Variants in NELL1 observed in about 807,000 individuals in gnomAD.
NELL1 encodes the protein neural EGFL like 1.
In NELL1, 76 loss-of-function variants were observed where a neutral mutation model predicts 107.4. The observed-to-expected ratio is 0.71, with a 90% confidence interval of 0.59 to 0.86. The LOEUF (loss-of-function observed/expected upper bound fraction) is 0.86. Ranked by LOEUF, NELL1 falls within the 40% of genes least tolerant of loss-of-function variation. NELL1 has a pLI of 0.00. For missense variants in NELL1, 1,024 were observed against 1,005.5 expected, an observed-to-expected ratio of 1.02 and a Z score of -0.25; for synonymous variants, 353 against 341.2, an observed-to-expected ratio of 1.03 and a Z score of -0.38.
chr11:21,060,600 G>A (rs1032207439), intron 12 of NELL1, among the ~76,000 whole-genome samples: 16 of 152,192 alleles, frequency 1.1e-4, no homozygotes, highest in Non-Finnish European at 1.8e-4. Context: ...GTTGGGAGAA[G>A]TAGAGTACAA....
chr11:21,269,376 T>A (rs2924595), intron 14 of NELL1, among the ~76,000 whole-genome samples: 57,466 of 144,886 alleles, frequency 0.4, 11,553 homozygotes, highest in Non-Finnish European at 0.45. Flanking sequence ...TCTCTCTCTC[T>A]CACACACACA....
At chr11:20,915,015 C>T (rs771592090) in intron 5 of NELL1, among the ~76,000 whole-genome samples, 22 of 152,090 alleles carry the variant, frequency 1.4e-4, no homozygotes, top group Middle Eastern at 3.4e-3. Flanking sequence ...TTGTATAATT[C>T]ATAGTTTTCA....
chr11:20,930,019 A>G (rs1266737759), intron 9 of NELL1, among the ~76,000 whole-genome samples: 1 of 152,136 alleles, frequency 6.6e-6, no homozygotes, highest in Non-Finnish European at 1.5e-5. Flanking sequence ...GTATTAAAAA[A>G]TGTGAGATGT....
intron 2 of NELL1, among the ~76,000 whole-genome samples, chr11:20,740,432 C>T (rs895742866): frequency 6.6e-6 from 1 of 152,196 alleles, no homozygotes; most frequent in African/African-American, 2.4e-5. Flanking sequence ...TCTTGCTCCT[C>T]TCCTTTGGGG....
Position 21,450,100 on chromosome 11 carries a change from G to A in NELL1, c.1645+79152G>A, listed in dbSNP as rs147178493. 3.0e-3 allele frequency among the ~76,000 whole-genome samples: 462 copies of A among 152,270 alleles called. 2 individuals are homozygous for A. The highest frequency in any genetic ancestry group is 0.01 in the African/African-American group (427 of 41,566). On this transcript the variant is annotated intron_variant, in intron 15 of 19. Coordinates refer to ENST00000357134, the MANE Select transcript of NELL1 (RefSeq NM_006157.5). The stretch of plus-strand genomic sequence containing the variant: ...AATGAAAATGGCTAGTAATGATGCA[G>A]CTTTAGGTTACTTCTGAAAGATTAG...
At chr11:21,287,748 A>G (rs748855476) in intron 14 of NELL1, among the ~76,000 whole-genome samples, 2 of 150,036 alleles carry the variant, frequency 1.3e-5, no homozygotes, top group African/African-American at 4.9e-5. Flanking sequence ...CCCTCTTCCC[A>G]TTTTTTGCTG....
chr11:21,352,414 G>A (rs901835304), intron 14 of NELL1, among the ~76,000 whole-genome samples: 1 of 152,050 alleles, frequency 6.6e-6, no homozygotes, highest in Non-Finnish European at 1.5e-5. Context: ...GTTTTTGAAT[G>A]GATGGATGAA....
At position 21,531,298 on chromosome 11, in the gene NELL1, C is replaced by T. The variant is rs568921424; in HGVS notation, c.1646-3076C>T. Among the ~76,000 whole-genome samples, 97 of 152,206 alleles carry T rather than the reference C, an allele frequency of 6.4e-4. 1 individual carries two copies. Among genetic ancestry groups the T allele is most frequent in the Admixed American group, 5.9e-3 (90 of 15,274 alleles). ...AAATAATCCTTGCACATATTTTTAGCTCAACAGATATTTACAGAATTGAAT... is the reference window on the plus strand; with the variant it reads ...AAATAATCCTTGCACATATTTTTAGTTCAACAGATATTTACAGAATTGAAT... On this transcript the variant is annotated intron_variant, in intron 15 of 19. Coordinates refer to ENST00000357134, the MANE Select transcript of NELL1 (RefSeq NM_006157.5).
chr11:20,687,443 A>AC (rs1457197706), intron 2 of NELL1, among the ~76,000 whole-genome samples: 1 of 151,958 alleles, frequency 6.6e-6, no homozygotes, highest in East Asian at 1.9e-4. Context: ...TAGAAGACAG[A>AC]CTATTTGACA....
At chr11:21,552,375 C>G (rs534542267) in intron 16 of NELL1, among the ~76,000 whole-genome samples, 1 of 151,804 alleles carries the variant, frequency 6.6e-6, no homozygotes, top group African/African-American at 2.4e-5. Context: ...AGAGAGTCTG[C>G]TCAGAGGAGT....
chr11:21,434,830 T>C (rs1853066617), intron 15 of NELL1, among the ~76,000 whole-genome samples: 1 of 152,120 alleles, frequency 6.6e-6, no homozygotes, highest in African/African-American at 2.4e-5. Flanking sequence ...CTATTCCATT[T>C]TTTTGTGTCC....
intron 12 of NELL1, among the ~76,000 whole-genome samples, chr11:21,005,989 C>G (rs1328375325): frequency 6.6e-6 from 1 of 151,804 alleles, no homozygotes; most frequent in Non-Finnish European, 1.5e-5. Context: ...CTCCTTTAAT[C>G]ACAGTTTCTT....
intron 3 of NELL1, among the ~76,000 whole-genome samples, chr11:20,799,935 A>G (rs1290607447): frequency 6.6e-6 from 1 of 151,910 alleles, no homozygotes; most frequent in African/African-American, 2.4e-5. Flanking sequence ...TTTTGTTCCC[A>G]CTTATAAGTA....
chr11:21,161,967 T>TC (rs1856381826), intron 13 of NELL1, among the ~76,000 whole-genome samples: 1 of 146,494 alleles, frequency 6.8e-6, no homozygotes, highest in Non-Finnish European at 1.5e-5. Context: ...TTTTTTTTTT[T>TC]TGAGACAGAG....
intron 16 of NELL1, among the ~76,000 whole-genome samples, chr11:21,552,568 TC>T (rs1425415760): frequency 1.3e-5 from 2 of 151,818 alleles, no homozygotes; most frequent in Admixed American, 6.6e-5. Context: ...GACTCAAGTC[TC>T]CTACTCTGTG....
At chr11:20,883,224 T>C (rs566432420) in intron 4 of NELL1, among the ~76,000 whole-genome samples, 173 of 152,338 alleles carry the variant, frequency 1.1e-3, no homozygotes, top group African/African-American at 3.9e-3. Context: ...AACACCACTT[T>C]GACACATGTG....
chr11:20,761,982 C>T (rs2133958442), intron 2 of NELL1, among the ~76,000 whole-genome samples: 1 of 152,288 alleles, frequency 6.6e-6, no homozygotes, highest in Non-Finnish European at 1.5e-5. Context: ...CGGGAGAGAA[C>T]CTTGTGAGTG....
At chr11:21,419,432 C>A (rs184202768) in intron 15 of NELL1, among the ~76,000 whole-genome samples, 1 of 152,070 alleles carries the variant, frequency 6.6e-6, no homozygotes, top group Non-Finnish European at 1.5e-5. Flanking sequence ...AAAGAAACTT[C>A]TAAGTTGTAG....
intron 15 of NELL1, among the ~76,000 whole-genome samples, chr11:21,414,137 G>T (rs1357010016): frequency 6.6e-6 from 1 of 152,044 alleles, no homozygotes; most frequent in East Asian, 1.9e-4. Flanking sequence ...TAATGAGCTT[G>T]ATACAGGTGA....
Sources: gnomAD v4.1 joint callset for allele counts (sites outside exome capture counted in the v4.1 genomes callset) on GRCh38, gnomAD v4.1.1 for gene constraint, MANE v1.5 for transcripts, NCBI Gene and HGNC (gene_info 2026-07-23, HGNC 2026-07-21) for gene names.